The following DACH2 variants were observed in gnomAD, a reference collection of about 807,000 sequenced individuals.
DACH2 encodes the protein dachshund family transcription factor 2.
Under a neutral mutation model 35.8 loss-of-function variants are expected in DACH2, and 17 were observed. The observed-to-expected ratio is 0.48, with a 90% CI of 0.33 to 0.71. The LOEUF is 0.71. Among genes scored for constraint, DACH2 ranks in the 30% least tolerant of loss-of-function variants. DACH2 has a pLI of 0.02. For missense variants in DACH2, 469 were observed against 472.7 expected (o/e 0.99, Z 0.07); for synonymous variants, 195 against 177.3 (o/e 1.10, Z -0.79).
intron 3 of DACH2, among the ~76,000 whole-genome samples, chrX:86,606,840 G>T (rs1011951856): frequency 1.8e-5 from 2 of 111,554 alleles, no homozygotes; most frequent in African/African-American, 6.5e-5. Flanking sequence ...TCTCTCTTTA[G>T]CTCCAATAGT....
At chrX:86,391,897 TG>T (rs1312535136) in intron 2 of DACH2, among the ~76,000 whole-genome samples, 1 of 111,540 alleles carries the variant, frequency 9.0e-6, no homozygotes, top group East Asian at 2.8e-4. Flanking sequence ...TTCTAGATCG[TG>T]GGTAAATCAC....
chrX:86,370,504 T>C (rs891152911), intron 1 of DACH2, among the ~76,000 whole-genome samples: 2 of 111,425 alleles, frequency 1.8e-5, no homozygotes, highest in African/African-American at 6.5e-5. Context: ...AATAGTGTAA[T>C]GGTGCTGAAA....
At chrX:86,221,019 C>T (rs1341268096) in intron 1 of DACH2, among the ~76,000 whole-genome samples, 1 of 111,371 alleles carries the variant, frequency 9.0e-6, no homozygotes, top group Non-Finnish European at 1.9e-5. Context: ...CAACTTTTCA[C>T]TCTGTTGATT....
At chrX:86,693,098 T>G (rs2041028416) in intron 4 of DACH2, among the ~76,000 whole-genome samples, 1 of 112,333 alleles carries the variant, frequency 8.9e-6, no homozygotes, top group African/African-American at 3.2e-5. Context: ...AACATCTGGA[T>G]GAAAAGAGAG....
At chrX:86,406,826 T>C (rs1204249449) in intron 2 of DACH2, among the ~76,000 whole-genome samples, 1 of 112,057 alleles carries the variant, frequency 8.9e-6, no homozygotes, top group East Asian at 2.8e-4. Flanking sequence ...ATATGTCTTC[T>C]GGTCCAGGAT....
chrX:86,783,472 T>C (rs945715177), intron 7 of DACH2, among the ~76,000 whole-genome samples: 29 of 111,952 alleles, frequency 2.6e-4, no homozygotes, highest in African/African-American at 9.4e-4. Context: ...TCCTACGTTT[T>C]TTGCAGCACT....
At chrX:86,172,859 A>G in intron 1 of DACH2, among the ~76,000 whole-genome samples, 1 of 112,172 alleles carries the variant, frequency 8.9e-6, no homozygotes, top group East Asian at 2.8e-4. Flanking sequence ...ATACACTAAC[A>G]AAGATCCCTT....
intron 1 of DACH2, among the ~76,000 whole-genome samples, chrX:86,288,796 T>C (rs6617204): frequency 0.43 from 47,753 of 110,904 alleles, 7,888 homozygotes; most frequent in East Asian, 0.54. Flanking sequence ...GCTCCCTTCT[T>C]GCCCAAGGCA....
chrX:86,378,833 G>A (rs1301301518), intron 2 of DACH2, among the ~76,000 whole-genome samples: 1 of 111,245 alleles, frequency 9.0e-6, no homozygotes, highest in Non-Finnish European at 1.9e-5. Flanking sequence ...CAGTGGGAGT[G>A]CTTACAAATA....
intron 2 of DACH2, among the ~76,000 whole-genome samples, chrX:86,423,650 G>A (rs1316495627): frequency 2.7e-5 from 3 of 109,916 alleles, no homozygotes; most frequent in African/African-American, 9.9e-5. Flanking sequence ...CTATGCAGAA[G>A]CTTTTTAACT....
intron 4 of DACH2, among the ~76,000 whole-genome samples, chrX:86,672,828 G>A (rs1199189283): frequency 2.7e-5 from 3 of 111,686 alleles, no homozygotes; most frequent in Admixed American, 9.5e-5. Context: ...TAGTGGAGCT[G>A]TGAGAAGAGG....
At chrX:86,467,975 G>A (rs2037701006) in intron 2 of DACH2, among the ~76,000 whole-genome samples, 1 of 111,151 alleles carries the variant, frequency 9.0e-6, no homozygotes, top group African/African-American at 3.3e-5. Flanking sequence ...GGGGATTATA[G>A]GAACTACAAT....
At chrX:86,757,665 C>T (rs772151753) in intron 7 of DACH2, among the ~76,000 whole-genome samples, 2 of 111,393 alleles carry the variant, frequency 1.8e-5, no homozygotes, top group Non-Finnish European at 3.8e-5. Flanking sequence ...CTCATAATGG[C>T]GTATGAGTTC....
chrX:86,409,012 C>A (rs1449988079), intron 2 of DACH2, among the ~76,000 whole-genome samples: 1 of 111,407 alleles, frequency 9.0e-6, no homozygotes, highest in Non-Finnish European at 1.9e-5. Flanking sequence ...CCTTCAAGAG[C>A]CTACCTTCTT....
chrX:86,488,576 A>C (rs1353468812), intron 2 of DACH2, among the ~76,000 whole-genome samples: 1 of 110,528 alleles, frequency 9.0e-6, no homozygotes, highest in African/African-American at 3.3e-5. Flanking sequence ...CTTTAAAATG[A>C]GTATGGCAAA....
intron 4 of DACH2, among the ~76,000 whole-genome samples, chrX:86,672,481 T>C (rs1380649533): frequency 9.0e-6 from 1 of 111,377 alleles, no homozygotes. Context: ...CCCAATGCCC[T>C]GATCAACCTC....
intron 4 of DACH2, among the ~76,000 whole-genome samples, chrX:86,689,096 T>G (rs2040980979): frequency 8.9e-6 from 1 of 111,824 alleles, no homozygotes. Flanking sequence ...TCCTAGGTAA[T>G]GTTTTAAAGT....
At chrX:86,274,113 G>T (rs958608667) in intron 1 of DACH2, among the ~76,000 whole-genome samples, 1 of 91,403 alleles carries the variant, frequency 1.1e-5, no homozygotes, top group Non-Finnish European at 2.1e-5. Context: ...TCTTTCAGTT[G>T]CTGAAGGTCA....
intron 5 of DACH2, among the ~76,000 whole-genome samples, chrX:86,703,425 A>G (rs901344171): frequency 3.6e-5 from 4 of 111,338 alleles, no homozygotes; most frequent in Admixed American, 1.9e-4. Context: ...AGCCAGAACA[A>G]TCAGGCAAGA....
Sources: allele counts gnomAD v4.1 joint callset (sites outside exome capture counted in the v4.1 genomes callset), GRCh38; gene constraint gnomAD v4.1.1; transcripts MANE v1.5; gene names NCBI Gene and HGNC (gene_info 2026-07-23, HGNC 2026-07-21).